The following ASTN1 variants were observed in gnomAD, a reference collection of about 807,000 sequenced individuals.
ASTN1 encodes the protein astrotactin 1, also known as astrotactin-1.
In ASTN1, 41 loss-of-function variants were observed where a neutral mutation model predicts 140.7. The ratio of observed to expected loss-of-function variants is 0.29; its 90% CI spans 0.23 to 0.38. The LOEUF (loss-of-function observed/expected upper bound fraction) is 0.38. Ranked by LOEUF, ASTN1 falls within the 10% of genes least tolerant of loss-of-function variation. The pLI is 1.00. For synonymous variants in ASTN1, 640 were observed against 652.2 expected (o/e 0.98, Z 0.29); for missense variants, 1,479 against 1,678.8 (o/e 0.88, Z 2.08).
Position 176,864,243 on chromosome 1 carries a change from T to C in ASTN1, c.*41A>G. ...ACCAACCCAGATGGATCCCTCCTCTTTCCTACTTCATTCTGGCAGCAGCTC... is the reference window on the plus strand; with the variant it reads ...ACCAACCCAGATGGATCCCTCCTCTCTCCTACTTCATTCTGGCAGCAGCTC... On this transcript the variant is annotated 3_prime_UTR_variant, in exon 23 of 23. Coordinates refer to ENST00000361833, the MANE Select transcript of ASTN1 (RefSeq NM_004319.3). 6.2e-7 allele frequency: 1 copy of C among 1,603,410 alleles called. No individual in the cohort carries two copies. Among genetic ancestry groups the C allele is most frequent in the Non-Finnish European group, 8.5e-7 (1 of 1,174,152 alleles).
chr1:176,934,933 A>G (rs1335492635), intron 15 of ASTN1, among the ~76,000 whole-genome samples: 2 of 152,226 alleles, frequency 1.3e-5, no homozygotes, highest in African/African-American at 2.4e-5. Flanking sequence ...AAGGAAAGAA[A>G]AGTCACTAAT....
intron 18 of ASTN1, among the ~76,000 whole-genome samples, chr1:176,884,830 T>C (rs919878760): frequency 1.3e-5 from 2 of 152,200 alleles, no homozygotes; most frequent in African/African-American, 4.8e-5. Context: ...GAAAATATCA[T>C]AATTTCTAGA....
At chr1:177,110,525 T>C (rs1427511226) in intron 1 of ASTN1, among the ~76,000 whole-genome samples, 1 of 152,062 alleles carries the variant, frequency 6.6e-6, no homozygotes, top group Admixed American at 6.5e-5. Context: ...GATTAGATTA[T>C]CCCCAGAAAT....
At chr1:176,891,612 G>A (rs1426059297) in intron 17 of ASTN1, among the ~76,000 whole-genome samples, 1 of 152,156 alleles carries the variant, frequency 6.6e-6, no homozygotes, top group Non-Finnish European at 1.5e-5. Flanking sequence ...TGACCAACAT[G>A]GAGAAACCCC....
At chr1:177,060,941 T>C in intron 2 of ASTN1, 137 bp downstream of exon 2, 1 of 934,052 alleles carries the variant, frequency 1.1e-6, no homozygotes. Context: ...TTCCCACAAA[T>C]GGGAAATTTA....
chr1:176,879,118 G>T (rs12129095), intron 20 of ASTN1, among the ~76,000 whole-genome samples: 2 of 152,220 alleles, frequency 1.3e-5, no homozygotes, highest in Middle Eastern at 6.8e-3. Flanking sequence ...ACAGGGCTGG[G>T]GCATGGGCCT....
At chr1:176,892,432 G>A (rs550404215) in intron 17 of ASTN1, among the ~76,000 whole-genome samples, 2 of 152,268 alleles carry the variant, frequency 1.3e-5, no homozygotes, top group East Asian at 3.9e-4. Context: ...TGGATGTTGG[G>A]AATGATGAGG....
At chr1:177,002,376 A>AACACACACACACACAC (rs3979529) in intron 8 of ASTN1, among the ~76,000 whole-genome samples, 1 of 148,584 alleles carries the variant, frequency 6.7e-6, no homozygotes, top group African/African-American at 2.5e-5. Flanking sequence ...CTTACACACA[A>AACACACACACACACAC]ACACACACAC....
At chr1:176,896,841 A>T (rs1669526618) in intron 16 of ASTN1, among the ~76,000 whole-genome samples, 1 of 152,190 alleles carries the variant, frequency 6.6e-6, no homozygotes, top group Admixed American at 6.5e-5. Flanking sequence ...GTCTGAGAGG[A>T]ACAGAATGAG....
chr1:176,970,555 A>ATAGG (rs35499067), intron 8 of ASTN1, among the ~76,000 whole-genome samples: 11,409 of 150,898 alleles, frequency 0.076, 677 homozygotes, highest in African/African-American at 0.16. Context: ...AGAAATAGAG[A>ATAGG]TAGGTAGGTA....
At chr1:176,980,807 T>C (rs765920454) in intron 8 of ASTN1, among the ~76,000 whole-genome samples, 3 of 152,194 alleles carry the variant, frequency 2.0e-5, no homozygotes, top group Admixed American at 6.5e-5. Flanking sequence ...TTTGAAGATA[T>C]TGAAAAACTG....
At chr1:177,097,825 T>C (rs1184713857) in intron 1 of ASTN1, among the ~76,000 whole-genome samples, 2 of 152,094 alleles carry the variant, frequency 1.3e-5, no homozygotes, top group African/African-American at 4.8e-5. Flanking sequence ...ATTTAATCGA[T>C]TACGCCTATA....
At chr1:176,971,511 C>T (rs1044862588) in intron 8 of ASTN1, among the ~76,000 whole-genome samples, 3 of 152,168 alleles carry the variant, frequency 2.0e-5, no homozygotes, top group Non-Finnish European at 2.9e-5. Context: ...ATACCACCCC[C>T]GACATATCCC....
At chr1:176,889,289 C>T (rs1228025655) in intron 17 of ASTN1, among the ~76,000 whole-genome samples, 1 of 152,194 alleles carries the variant, frequency 6.6e-6, no homozygotes, top group Non-Finnish European at 1.5e-5. Flanking sequence ...CTGCAGGGAG[C>T]ATGGCTGGTC....
intron 9 of ASTN1, among the ~76,000 whole-genome samples, chr1:176,961,550 T>C (rs1284159168): frequency 1.3e-5 from 2 of 152,210 alleles, no homozygotes; most frequent in Non-Finnish European, 2.9e-5. Flanking sequence ...AACTAATTTT[T>C]AAGGCTAGTA....
At chr1:176,961,159 CA>C (rs1191585250) in intron 9 of ASTN1, among the ~76,000 whole-genome samples, 3 of 152,126 alleles carry the variant, frequency 2.0e-5, no homozygotes, top group African/African-American at 7.2e-5. Context: ...TTAGTTTGCA[CA>C]AGTTTCTGGG....
intron 1 of ASTN1, among the ~76,000 whole-genome samples, chr1:177,109,623 G>GC (rs1680717608): frequency 6.6e-6 from 1 of 152,190 alleles, no homozygotes; most frequent in Non-Finnish European, 1.5e-5. Context: ...TTCAGAATGA[G>GC]CTCTTTGTGA....
At chr1:176,860,503 T>TTACG (rs1350846287), downstream of ASTN1, among the ~76,000 whole-genome samples, 1 of 152,176 alleles carries the variant, frequency 6.6e-6, no homozygotes, top group Non-Finnish European at 1.5e-5. Flanking sequence ...AAGAAAGAGA[T>TTACG]TACGTATTTT....
intron 1 of ASTN1, among the ~76,000 whole-genome samples, chr1:177,097,978 A>G (rs1680110628): frequency 6.6e-6 from 1 of 152,174 alleles, no homozygotes; most frequent in Non-Finnish European, 1.5e-5. Context: ...ACCCTTCCAT[A>G]TCTATCTCTT....
Sources: allele counts gnomAD v4.1 joint callset (sites outside exome capture counted in the v4.1 genomes callset), GRCh38; gene constraint gnomAD v4.1.1; transcripts MANE v1.5; gene names NCBI Gene and HGNC (gene_info 2026-07-23, HGNC 2026-07-21).